Variants in U2SURP observed in about 807,000 individuals in gnomAD.
The protein encoded by U2SURP is U2 snRNP associated SURP domain containing, also known as U2 snRNP-associated SURP motif-containing protein.
Under a neutral mutation model 144.9 loss-of-function variants are expected in U2SURP, and 9 were observed. The ratio of observed to expected loss-of-function variants is 0.06; its 90% CI spans 0.04 to 0.11. U2SURP has a LOEUF of 0.11. Among genes scored for constraint, U2SURP ranks in the 10% least tolerant of loss-of-function variants. The pLI is 1.00. For synonymous variants in U2SURP, 408 were observed against 396.8 expected (o/e 1.03, Z -0.33); for missense variants, 724 against 1,226.7 (o/e 0.59, Z 6.12).
intron 11 of U2SURP, 70 bp downstream of exon 11, chr3:143,022,732 A>G: frequency 1.3e-6 from 2 of 1,498,288 alleles, no homozygotes; most frequent in Non-Finnish European, 1.8e-6. Flanking sequence ...ATTTATAAAA[A>G]CTAGGAAGGA....
At chr3:143,005,070 C>T (rs922269268) in intron 1 of U2SURP, among the ~76,000 whole-genome samples, 10 of 151,304 alleles carry the variant, frequency 6.6e-5, no homozygotes, top group African/African-American at 2.4e-4. Flanking sequence ...TTCCTTCTGC[C>T]ATCTCCTGTG....
intron 24 of U2SURP, among the ~76,000 whole-genome samples, chr3:143,049,093 TAA>T (rs368050643): frequency 1.9e-4 from 24 of 126,934 alleles, no homozygotes; most frequent in Non-Finnish European, 1.9e-4. Flanking sequence ...TGTCTCTGCT[TAA>T]AAAAAAAAAA....
At chr3:143,046,485 G>A (rs1322970321) in intron 24 of U2SURP, among the ~76,000 whole-genome samples, 1 of 114,552 alleles carries the variant, frequency 8.7e-6, no homozygotes, top group Non-Finnish European at 1.7e-5. Context: ...CCATGTTTGT[G>A]TCCCTGGGTA....
intron 24 of U2SURP, among the ~76,000 whole-genome samples, chr3:143,048,759 A>C (rs1934678573): frequency 6.6e-6 from 1 of 151,966 alleles, no homozygotes; most frequent in South Asian, 2.1e-4. Flanking sequence ...TTAGTCAGGC[A>C]TGGAGGCTGA....
At chr3:143,030,146 A>T (rs1933396012) in intron 16 of U2SURP, among the ~76,000 whole-genome samples, 1 of 152,236 alleles carries the variant, frequency 6.6e-6, no homozygotes, top group South Asian at 2.1e-4. Flanking sequence ...GGCTACACTA[A>T]ATCACATTGT....
chr3:143,006,021 A>T, intron 1 of U2SURP, among the ~76,000 whole-genome samples: 1 of 152,358 alleles, frequency 6.6e-6, no homozygotes, highest in African/African-American at 2.4e-5. Context: ...TGAAAGCAAG[A>T]TACATTTGTC....
chr3:143,051,334 G>A (rs964911004), intron 25 of U2SURP, among the ~76,000 whole-genome samples: 3 of 152,162 alleles, frequency 2.0e-5, no homozygotes, highest in Non-Finnish European at 4.4e-5. Context: ...TTCAGGACAA[G>A]TCACATTTTG....
intron 24 of U2SURP, among the ~76,000 whole-genome samples, chr3:143,049,486 A>G (rs1324478679): frequency 1.3e-5 from 2 of 152,192 alleles, no homozygotes; most frequent in Admixed American, 6.5e-5. Context: ...TTCATGGGAC[A>G]AGAATGCTTC....
At chr3:143,010,663 T>G (rs1936076502) in intron 1 of U2SURP, among the ~76,000 whole-genome samples, 152 bp from the exon 2 acceptor site, 1 of 152,240 alleles carries the variant, frequency 6.6e-6, no homozygotes, top group Non-Finnish European at 1.5e-5. Flanking sequence ...ATCACAATCT[T>G]TTCATAAGTC....
At chr3:143,005,503 T>C (rs1935788255) in intron 1 of U2SURP, among the ~76,000 whole-genome samples, 1 of 152,204 alleles carries the variant, frequency 6.6e-6, no homozygotes, top group South Asian at 2.1e-4. Flanking sequence ...TCTTAAAATG[T>C]AAGGTAGTTT....
In U2SURP at chr3:143,014,058, CTT is replaced by C. The variant is rs3832220; in HGVS notation, c.223-244_223-243del. 2.2e-3 allele frequency among the ~76,000 whole-genome samples: 331 copies of C among 149,740 alleles called. 2 individuals carry two copies. The highest frequency in any genetic ancestry group is 7.7e-3 in the African/African-American group (317 of 41,184). On this transcript the variant is annotated intron_variant, in intron 3 of 27. Coordinates refer to ENST00000473835, the MANE Select transcript of U2SURP (RefSeq NM_001080415.2). ...TAGTGTCAGTCTCTTCTATTTTTAC[CTT>C]TTTTTTTTAACATGACTTTTGCATG...
At chr3:143,031,383 T>A (rs1208840629) in intron 16 of U2SURP, among the ~76,000 whole-genome samples, 1 of 112,046 alleles carries the variant, frequency 8.9e-6, no homozygotes, top group Non-Finnish European at 1.9e-5. Context: ...CTTTATTGTT[T>A]AAGAAATTGC....
At chr3:143,013,272 C>T (rs539034997) in intron 3 of U2SURP, among the ~76,000 whole-genome samples, 91 of 151,896 alleles carry the variant, frequency 6.0e-4, no homozygotes, top group Middle Eastern at 3.4e-3. Flanking sequence ...AAGTTGAAAC[C>T]AAAGAGACTG....
rs1936369330 is a variant in U2SURP at position 143,016,364 on chromosome 3, A to G, written c.429A>G (p.Ala143=). The G allele has an allele frequency of 3.7e-6, 6 of 1,612,074 alleles. No individual in the cohort carries two copies. The highest frequency in any genetic ancestry group is 1.3e-5 in the African/African-American group (1 of 74,972). ...TTGTGCGAGGGGGTGTTGTTAATGC[A>G]GCTAAAGGTAAGTTTATAAAGTATA... is the stretch of plus-strand genomic sequence containing the variant. The part of the protein sequence containing the change: ...KTFVRGGVVN[A]AKEEHETDEK... Residue 143 remains alanine (A), a synonymous_variant, in exon 5 of 28, where the codon GCA becomes GCG. Coordinates refer to ENST00000473835, the MANE Select transcript of U2SURP (RefSeq NM_001080415.2).
chr3:143,027,164 G>C lies in U2SURP; in HGVS notation c.1290G>C (p.Leu430=), dbSNP rs772790867. Residue 430 remains leucine (L), a synonymous_variant, in exon 14 of 28, where the codon CTG becomes CTC. Transcript: ENST00000473835. ...VIPTERNLLA[L]IHRMIEFVVR... ...GTTGTTGTAGGAATTTGCTCGCCCT[G>C]ATACATCGAATGATAGAGTTTGTTG... 9 of 1,612,678 alleles carry C rather than the reference G, an allele frequency of 5.6e-6. No individual in the cohort carries two copies. In the South Asian group the frequency reaches 9.9e-5, roughly 18 times the overall value.
At chr3:143,018,184 A>G (rs1253895223) in intron 6 of U2SURP, among the ~76,000 whole-genome samples, 1 of 152,170 alleles carries the variant, frequency 6.6e-6, no homozygotes, top group Non-Finnish European at 1.5e-5. Flanking sequence ...CCTACCCATT[A>G]TCAGTCACTC....
chr3:143,015,870 T>C (rs909002184), intron 4 of U2SURP, among the ~76,000 whole-genome samples: 1 of 152,136 alleles, frequency 6.6e-6, no homozygotes. Context: ...CTAATACTCA[T>C]GTTTTTGGTG....
At chr3:143,023,166 T>C (rs993155600) in intron 12 of U2SURP, 102 bp downstream of exon 12, 2 of 1,085,912 alleles carry the variant, frequency 1.8e-6, no homozygotes, top group African/African-American at 3.2e-5. Context: ...TGTGTAATTC[T>C]GTTTGGCAAC....
intron 8 of U2SURP, among the ~76,000 whole-genome samples, chr3:143,020,904 T>A (rs1353105671): frequency 6.6e-6 from 1 of 151,866 alleles, no homozygotes. Flanking sequence ...ATAGAACAAT[T>A]ATAACAATAT....
Sources: allele counts gnomAD v4.1 joint callset (sites outside exome capture counted in the v4.1 genomes callset), GRCh38; gene constraint gnomAD v4.1.1; transcripts MANE v1.5; gene names NCBI Gene and HGNC (gene_info 2026-07-23, HGNC 2026-07-21).